GALNT10: variants seen among roughly 807,000 people sequenced by gnomAD.
GALNT10 encodes the protein GalNAc transferase 10.
In GALNT10, 41 loss-of-function variants were observed where a neutral mutation model predicts 75.0. The observed-to-expected ratio is 0.55, with a 90% confidence interval of 0.43 to 0.71. The LOEUF (loss-of-function observed/expected upper bound fraction) is 0.71, where lower values mean the gene tolerates loss of function less well. Ranked by LOEUF, GALNT10 falls within the 30% of genes least tolerant of loss-of-function variation. The pLI, the probability that GALNT10 is intolerant of heterozygous loss-of-function variation, is 0.00. For missense variants in GALNT10, 727 were observed against 818.5 expected, an observed-to-expected ratio of 0.89 and a Z score of 1.36; for synonymous variants, 302 against 313.0, an observed-to-expected ratio of 0.96 and a Z score of 0.37.
chr5:154,272,986 G>A (rs1320963726), intron 1 of GALNT10, among the ~76,000 whole-genome samples: 2 of 152,054 alleles, frequency 1.3e-5, no homozygotes, highest in African/African-American at 2.4e-5. Context: ...TGCAGTTTCT[G>A]GTGGTTAGGA....
intron 4 of GALNT10, among the ~76,000 whole-genome samples, chr5:154,332,906 A>C (rs1236071576): frequency 6.6e-6 from 1 of 152,216 alleles, no homozygotes; most frequent in African/African-American, 2.4e-5. Context: ...ATCACAGGGC[A>C]TCCGTCCTTC....
intron 1 of GALNT10, among the ~76,000 whole-genome samples, chr5:154,290,264 T>TC (rs1581958213): frequency 8.7e-6 from 1 of 114,716 alleles, no homozygotes; most frequent in South Asian, 2.4e-4. Context: ...GCTAATTTTT[T>TC]TTTTTTTTTT....
At chr5:154,413,361 A>G (rs936192388) in intron 10 of GALNT10, among the ~76,000 whole-genome samples, 9 of 152,060 alleles carry the variant, frequency 5.9e-5, no homozygotes, top group Non-Finnish European at 1.0e-4. Context: ...GGCCCTTCCT[A>G]TATAGTAGCA....
intron 4 of GALNT10, among the ~76,000 whole-genome samples, chr5:154,371,563 TACACACAC>T: frequency 2.0e-5 from 1 of 51,022 alleles, no homozygotes; most frequent in African/African-American, 5.7e-5. Context: ...TGTGTGTGTG[TACACACAC>T]ACACACACAC....
At chr5:154,338,351 G>C (rs905659261) in intron 4 of GALNT10, 3 of 481,508 alleles carry the variant, frequency 6.2e-6, no homozygotes, top group African/African-American at 3.9e-5. Flanking sequence ...TTGAGGCTGA[G>C]ATTTGAGACC....
chr5:154,381,789 TCTC>T (rs991577860), intron 6 of GALNT10, among the ~76,000 whole-genome samples: 3 of 152,194 alleles, frequency 2.0e-5, no homozygotes, highest in Admixed American at 1.3e-4. Context: ...TCTGTTTCCT[TCTC>T]CTTGCTTTCC....
chr5:154,409,664 C>A lies in GALNT10; in HGVS notation c.1288C>A (p.Leu430Ile), dbSNP rs751593382. The A allele has an allele frequency of 1.2e-6, 2 of 1,613,952 alleles. No homozygotes were observed. Among genetic ancestry groups the A allele is most frequent in the East Asian group, 2.2e-5 (1 of 44,894 alleles). The change falls in exon 9 of 12, where the codon CTT becomes ATT. Residue 430 changes from leucine to isoleucine, a missense_variant. Leu to Ile is a conservative substitution (Grantham distance 5). Coordinates refer to ENST00000297107, the MANE Select transcript of GALNT10 (RefSeq NM_198321.4). This position sits in a 1 kb window ranked among gnomAD's most constrained non-coding sequence, Gnocchi z 4.5. ...VAVQKKLRSS[L>I]NCKSFKWFMT... ...AGTCCAGAAAAAGCTCCGCAGCTCC[C>A]TTAACTGCAAGAGTTTCAAGTGGTT...
chr5:154,334,226 A>G (rs1017676360), intron 4 of GALNT10, among the ~76,000 whole-genome samples: 4 of 152,242 alleles, frequency 2.6e-5, no homozygotes, highest in Admixed American at 6.5e-5. Context: ...ATTGGAGCAA[A>G]TGAATTCTCG....
chr5:154,249,927 G>A (rs1753488599), intron 1 of GALNT10, among the ~76,000 whole-genome samples: 1 of 152,136 alleles, frequency 6.6e-6, no homozygotes. Context: ...CACACTCTAG[G>A]CATGAGCAGC....
chr5:154,217,515 C>G (rs762139660), intron 1 of GALNT10, among the ~76,000 whole-genome samples: 3 of 152,196 alleles, frequency 2.0e-5, no homozygotes, highest in African/African-American at 7.2e-5. Flanking sequence ...CTCTTTCACT[C>G]TTTAGTACCG....
intron 3 of GALNT10, among the ~76,000 whole-genome samples, chr5:154,321,999 G>A (rs776462897): frequency 3.9e-4 from 60 of 152,178 alleles, no homozygotes; most frequent in Non-Finnish European, 2.5e-4. Flanking sequence ...ACGACTCCTC[G>A]TGTATTTGTT....
chr5:154,284,575 C>T (rs1247925883), intron 1 of GALNT10, among the ~76,000 whole-genome samples: 1 of 152,168 alleles, frequency 6.6e-6, no homozygotes, highest in African/African-American at 2.4e-5. Context: ...AATATTGCAG[C>T]CCTTGCTCCT....
At chr5:154,220,672 G>A (rs75044695) in intron 1 of GALNT10, among the ~76,000 whole-genome samples, 2,651 of 152,328 alleles carry the variant, frequency 0.017, 51 homozygotes, top group Non-Finnish European at 0.025. Context: ...TTAAAAGGGA[G>A]TTCCCACAGC....
Position 154,404,362 on chromosome 5 carries a change from C to T in GALNT10, c.1164+151C>T, listed in dbSNP as rs1223803956. 3 of 580,900 alleles carry T rather than the reference C, an allele frequency of 5.2e-6. No individual in the cohort carries two copies. The Admixed American group carries it at 1.0e-4, about 20-fold the overall frequency. 36.0% of individuals were successfully genotyped at this position (580,900 alleles called of 1,614,324 possible). A position where few individuals can be genotyped will look rare whatever the true frequency, so the allele number is the denominator to read the frequency against. On this transcript the variant is annotated intron_variant, in intron 8 of 11. Coordinates refer to ENST00000297107, the MANE Select transcript of GALNT10 (RefSeq NM_198321.4). ...CCAGGTGAAATCTGATTTAAAAGAA[C>T]TCCCTTAAATCCCTACTTAACCATT...
intron 4 of GALNT10, among the ~76,000 whole-genome samples, chr5:154,375,247 G>A (rs1305889517): frequency 6.6e-6 from 1 of 152,164 alleles, no homozygotes; most frequent in African/African-American, 2.4e-5. Context: ...AATAGATGTT[G>A]TGAAAGCATA....
intron 1 of GALNT10, among the ~76,000 whole-genome samples, chr5:154,212,668 G>A (rs1752782555): frequency 1.3e-5 from 2 of 152,166 alleles, no homozygotes; most frequent in South Asian, 2.1e-4. Flanking sequence ...TAAGTGAGTG[G>A]TTAAGATCAC....
At chr5:154,373,767 A>G (rs1755613345) in intron 4 of GALNT10, among the ~76,000 whole-genome samples, 3 of 152,232 alleles carry the variant, frequency 2.0e-5, no homozygotes, top group Admixed American at 2.0e-4. Context: ...TAATAAGGAC[A>G]AGAGAAGCAT....
chr5:154,330,908 G>GGGGGGTGTGTGTGTGT lies in GALNT10; in HGVS notation c.568+1171_568+1172insGGGGTGTGTGTGTGTG, dbSNP rs769311099. 4.8e-5 allele frequency among the ~76,000 whole-genome samples: 6 copies of GGGGGGTGTGTGTGTGT among 125,920 alleles called. No homozygotes were observed. The South Asian group carries it at 8.2e-4, about 17-fold the overall frequency. The allele number at this position is 125,920 out of a possible 152,430, so 82.6% of individuals were successfully genotyped here. A position where few individuals can be genotyped will look rare whatever the true frequency, so the allele number is the denominator to read the frequency against. On this transcript the variant is annotated intron_variant, in intron 4 of 11. Coordinates refer to ENST00000297107, the MANE Select transcript of GALNT10 (RefSeq NM_198321.4). ...ACAGAGGCCTCAGAGAGACAGAGAG[G>GGGGGGTGTGTGTGTGT]GTGTGTGTGTGTGTGTGTGTGTGTG...
chr5:154,239,506 G>A (rs1314240044), intron 1 of GALNT10, among the ~76,000 whole-genome samples: 1 of 152,228 alleles, frequency 6.6e-6, no homozygotes, highest in African/African-American at 2.4e-5. Context: ...AAGGGATCCA[G>A]GTTGCACACT....
Sources: gnomAD v4.1 joint callset for allele counts (sites outside exome capture counted in the v4.1 genomes callset) on GRCh38, gnomAD v4.1.1 for gene constraint, Gnocchi (gnomAD v3.1) non-coding constraint, MANE v1.5 for transcripts, NCBI Gene and HGNC (gene_info 2026-07-23, HGNC 2026-07-21) for gene names.